The following CYP11A1 variants were observed in gnomAD, a reference collection of about 807,000 sequenced individuals.
CYP11A1 encodes cytochrome P450 family 11 subfamily A member 1, also known as cholesterol side-chain cleavage enzyme, mitochondrial.
In CYP11A1, 25 loss-of-function variants were observed where a neutral mutation model predicts 51.9. The observed-to-expected ratio is 0.48, with a 90% CI of 0.35 to 0.67. The LOEUF is 0.67. Among genes scored for constraint, CYP11A1 ranks in the 30% least tolerant of loss-of-function variants. The pLI is 0.00. For missense variants in CYP11A1, 578 were observed against 680.9 expected (o/e 0.85, Z 1.68); for synonymous variants, 245 against 262.1 (o/e 0.93, Z 0.63).
chr15:74,358,475 T>A (rs148465464), intron 1 of CYP11A1, among the ~76,000 whole-genome samples: 234 of 152,294 alleles, frequency 1.5e-3, no homozygotes, highest in African/African-American at 5.3e-3. Context: ...TCATTTCCTT[T>A]CCATCATGGA....
chr15:74,363,572 A>C (rs1249775651), intron 1 of CYP11A1: 1 of 152,050 alleles, frequency 6.6e-6, no homozygotes, highest in Non-Finnish European at 1.5e-5. Context: ...TAAGGAGTAT[A>C]CTCCCAAATT....
intron 1 of CYP11A1, among the ~76,000 whole-genome samples, chr15:74,351,845 T>G (rs2060657931): frequency 6.6e-6 from 1 of 152,228 alleles, no homozygotes; most frequent in Admixed American, 6.5e-5. Flanking sequence ...CACCCTGCTT[T>G]GAAGTCGTGG....
chr15:74,348,686 A>G (rs1285108356), intron 1 of CYP11A1, among the ~76,000 whole-genome samples: 3 of 152,236 alleles, frequency 2.0e-5, no homozygotes, highest in Non-Finnish European at 2.9e-5. Context: ...CAGGGGAGAC[A>G]GGCTTGCAAA....
intron 8 of CYP11A1, 32 bp from the exon 9 acceptor site, chr15:74,338,135 G>A (rs996358782): frequency 1.2e-5 from 19 of 1,613,786 alleles, no homozygotes; most frequent in Non-Finnish European, 1.5e-5. Context: ...TTTAGGGGAG[G>A]GCAGGGGAGG....
At chr15:74,351,136 G>A (rs1231167088) in intron 1 of CYP11A1, among the ~76,000 whole-genome samples, 1 of 152,118 alleles carries the variant, frequency 6.6e-6, no homozygotes, top group East Asian at 1.9e-4. Context: ...GCCACCGCCC[G>A]GTTCGCTTAA....
chr15:74,366,208 C>G, intron 1 of CYP11A1: 1 of 985,004 alleles, frequency 1.0e-6, no homozygotes, highest in Non-Finnish European at 1.2e-6. Flanking sequence ...GGGTCTGTCG[C>G]TAGCGCCAAA....
chr15:74,359,430 G>T, intron 1 of CYP11A1: 1 of 152,420 alleles, frequency 6.6e-6, no homozygotes, highest in South Asian at 2.0e-4. Flanking sequence ...TGTCCCCTGT[G>T]ACCTGCACGT....
intron 1 of CYP11A1, chr15:74,348,320 C>T (rs774522932): frequency 4.2e-6 from 2 of 471,792 alleles, no homozygotes; most frequent in Non-Finnish European, 7.8e-6. Flanking sequence ...TTTATGATCA[C>T]TGTTGCTGCT....
intron 2 of CYP11A1, among the ~76,000 whole-genome samples, chr15:74,346,854 G>A (rs1266348870): frequency 6.8e-6 from 1 of 148,036 alleles, no homozygotes; most frequent in Non-Finnish European, 1.5e-5. Flanking sequence ...AGCCTGGAGT[G>A]CAGTGGTGCC....
At chr15:74,351,529 C>T (rs192188267) in intron 1 of CYP11A1, among the ~76,000 whole-genome samples, 13 of 152,310 alleles carry the variant, frequency 8.5e-5, no homozygotes, top group African/African-American at 3.1e-4. Flanking sequence ...TCATAGTATG[C>T]TCCAGAGGGG....
intron 1 of CYP11A1, chr15:74,350,250 T>C: frequency 3.8e-6 from 1 of 261,312 alleles, no homozygotes; most frequent in Non-Finnish European, 8.2e-6. Flanking sequence ...ATTTTCTAAA[T>C]TGCTCTGTAT....
chr15:74,362,175 G>C (rs1596168327), intron 1 of CYP11A1: 1 of 616,562 alleles, frequency 1.6e-6, no homozygotes, highest in East Asian at 2.7e-5. Flanking sequence ...TCCATGCCTA[G>C]CTGGACTGCA....
intron 8 of CYP11A1, 26 bp from the exon 9 acceptor site, chr15:74,338,129 G>C: frequency 6.2e-7 from 1 of 1,614,004 alleles, no homozygotes; most frequent in Non-Finnish European, 8.5e-7. Flanking sequence ...GGTAGGTTTA[G>C]GGGAGGGCAG....
rs566953850 is a variant in CYP11A1 at position 74,338,160 on chromosome 15, C to T, written c.1435-57G>A. ...GGCAGGGGAGGATCTGTCTCCCTAG[C>T]CAGGCCAATTCACCCATAGGCAGTG... On this transcript the variant is annotated intron_variant, in intron 8 of 8. Transcript: ENST00000268053. 1.6e-4 allele frequency: 260 copies of T among 1,607,814 alleles called. 5 individuals are homozygous for T. The South Asian group carries it at 2.8e-3, about 17-fold the overall frequency.
Position 74,343,022 on chromosome 15 carries a change from G to A in CYP11A1, c.945C>T (p.Asp315=). Residue 315 remains aspartate (D), a synonymous_variant, in exon 5 of 9, where the codon GAC becomes GAT. Transcript: ENST00000268053. ...GCATCTCTGTGACGTTGGCCTTGATGTCCTCGAAGGACATCTTGCTGTCTC... is the reference window on the plus strand; with the variant it reads ...GCATCTCTGTGACGTTGGCCTTGATATCCTCGAAGGACATCTTGCTGTCTC... ...LLGDSKMSFE[D]IKANVTEMLA... The A allele has an allele frequency of 6.2e-7, 1 of 1,613,046 alleles. No individual in the cohort carries two copies. The highest frequency in any genetic ancestry group is 8.5e-7 in the Non-Finnish European group (1 of 1,180,034).
intron 1 of CYP11A1, chr15:74,366,276 G>GTTTT: frequency 1.4e-6 from 1 of 734,782 alleles, no homozygotes; most frequent in Non-Finnish European, 1.6e-6. Flanking sequence ...TCCCTCCCCC[G>GTTTT]ATTTTTTTTT....
intron 5 of CYP11A1, 138 bp from the exon 6 acceptor site, chr15:74,339,891 C>G (rs2060598706): frequency 1.3e-6 from 1 of 785,220 alleles, no homozygotes; most frequent in African/African-American, 1.7e-5. Context: ...CAAGACCATC[C>G]TCTGCAAGAG....
chr15:74,339,848 A>G, intron 5 of CYP11A1, 95 bp from the exon 6 acceptor site: 1 of 1,235,884 alleles, frequency 8.1e-7, no homozygotes, highest in South Asian at 1.2e-5. Context: ...CATTTCCAAG[A>G]ACCTCTTTCT....
chr15:74,339,531 C>A, intron 6 of CYP11A1, 56 bp downstream of exon 6: 2 of 1,598,946 alleles, frequency 1.3e-6, no homozygotes, highest in Non-Finnish European at 1.7e-6. Flanking sequence ...CCGGGCACTT[C>A]CCTGGCCCTG....
Sources: gnomAD v4.1 joint callset for allele counts (sites outside exome capture counted in the v4.1 genomes callset) on GRCh38, gnomAD v4.1.1 for gene constraint, MANE v1.5 for transcripts, NCBI Gene and HGNC (gene_info 2026-07-23, HGNC 2026-07-21) for gene names.